Variants in KCNH5 observed in about 807,000 individuals in gnomAD.
KCNH5 encodes the protein potassium voltage-gated channel subfamily H member 5, also known as voltage-gated delayed rectifier potassium channel KCNH5.
A neutral mutation model predicts 96.1 loss-of-function variants in KCNH5; 46 were observed. The ratio of observed to expected loss-of-function variants is 0.48; its 90% CI spans 0.38 to 0.61. KCNH5 has a LOEUF of 0.61. KCNH5 is among the 20% of genes least tolerant of loss of function. The pLI is 0.00. For synonymous variants in KCNH5, 439 were observed against 449.8 expected (o/e 0.98, Z 0.30); for missense variants, 907 against 1,225.8 (o/e 0.74, Z 3.88).
intron 10 of KCNH5, among the ~76,000 whole-genome samples, chr14:62,750,855 C>T (rs1885483300): frequency 6.6e-6 from 1 of 152,148 alleles, no homozygotes; most frequent in African/African-American, 2.4e-5. Flanking sequence ...ATTCAATTAC[C>T]TCATGTTAAC....
intron 9 of KCNH5, among the ~76,000 whole-genome samples, chr14:62,783,253 T>A (rs775151353): frequency 6.6e-6 from 1 of 152,104 alleles, no homozygotes; most frequent in Non-Finnish European, 1.5e-5. Context: ...AAATGGTAGG[T>A]CCTCTCTGCG....
rs113988465 is a variant in KCNH5, at chr14:62,805,428, C to T, written c.1570-2847G>A. ...GATATCAAAAAGTGACAAGGTAAAA[C>T]TAAATGCTAAAAAGATCAACCAAAG... is the stretch of plus-strand genomic sequence containing the variant. On this transcript the variant is annotated intron_variant, in intron 8 of 10. Transcript: ENST00000322893. Among the ~76,000 whole-genome samples the T allele has an allele frequency of 3.7e-3, 570 of 152,236 alleles. 3 individuals are homozygous for T. The highest frequency in any genetic ancestry group is 0.013 in the African/African-American group (546 of 41,536).
At chr14:63,017,671 A>G (rs1233637473) in intron 1 of KCNH5, among the ~76,000 whole-genome samples, 1 of 151,624 alleles carries the variant, frequency 6.6e-6, no homozygotes, top group Non-Finnish European at 1.5e-5. Flanking sequence ...TTTGTAAACC[A>G]CATGTTATAT....
At chr14:62,955,784 T>C (rs1264314761) in intron 6 of KCNH5, among the ~76,000 whole-genome samples, 1 of 152,198 alleles carries the variant, frequency 6.6e-6, no homozygotes, top group Non-Finnish European at 1.5e-5. Context: ...CTTATATCTA[T>C]ATAGTCTGCA....
chr14:62,915,924 C>G (rs1401068355), intron 7 of KCNH5, among the ~76,000 whole-genome samples: 1 of 151,644 alleles, frequency 6.6e-6, no homozygotes, highest in African/African-American at 2.4e-5. Context: ...AGTGGCTTAG[C>G]CAGGGTTTCT....
chr14:62,761,380 G>A (rs906360773), intron 10 of KCNH5, among the ~76,000 whole-genome samples: 9 of 151,238 alleles, frequency 6.0e-5, no homozygotes, highest in Non-Finnish European at 1.2e-4. Context: ...AAAGGATTAT[G>A]GTCCATTGTA....
intron 9 of KCNH5, among the ~76,000 whole-genome samples, chr14:62,786,773 T>C (rs572545980): frequency 6.6e-6 from 1 of 152,204 alleles, no homozygotes; most frequent in Non-Finnish European, 1.5e-5. Flanking sequence ...ATTATTATTA[T>C]ATCTGTTATG....
chr14:62,817,285 C>CAA (rs1372517369), intron 8 of KCNH5, among the ~76,000 whole-genome samples: 2 of 129,108 alleles, frequency 1.5e-5, no homozygotes, highest in Admixed American at 8.6e-5. Context: ...CACACACACA[C>CAA]AACTCGGAGA....
chr14:62,914,037 AG>A (rs1236220977), intron 7 of KCNH5, among the ~76,000 whole-genome samples: 1 of 152,234 alleles, frequency 6.6e-6, no homozygotes, highest in African/African-American at 2.4e-5. Context: ...CAGAGTGAAA[AG>A]GGCTGAATTT....
At chr14:62,989,637 C>T (rs192465580) in intron 4 of KCNH5, among the ~76,000 whole-genome samples, 2 of 151,978 alleles carry the variant, frequency 1.3e-5, no homozygotes, top group African/African-American at 4.8e-5. Context: ...GGATGCATAC[C>T]TCACCTGGCA....
intron 10 of KCNH5, among the ~76,000 whole-genome samples, chr14:62,725,236 T>C (rs370079808): frequency 1.3e-5 from 2 of 152,154 alleles, no homozygotes; most frequent in African/African-American, 4.8e-5. Flanking sequence ...CCCAAAGCGA[T>C]TGAAATTTAA....
At chr14:62,956,389 G>A (rs754576227) in intron 6 of KCNH5, among the ~76,000 whole-genome samples, 15 of 152,070 alleles carry the variant, frequency 9.9e-5, no homozygotes, top group Non-Finnish European at 1.9e-4. Flanking sequence ...GGAGACCTTC[G>A]GGTTCTGGCA....
At chr14:62,942,386 T>A (rs1361330892) in intron 7 of KCNH5, among the ~76,000 whole-genome samples, 1 of 152,208 alleles carries the variant, frequency 6.6e-6, no homozygotes, top group Admixed American at 6.6e-5. Flanking sequence ...TTCTCCCAAT[T>A]TCTGGATCTT....
chr14:62,879,540 A>G (rs1029976730), intron 7 of KCNH5, among the ~76,000 whole-genome samples: 1 of 152,096 alleles, frequency 6.6e-6, no homozygotes, highest in Non-Finnish European at 1.5e-5. Flanking sequence ...TTCCAGTGTA[A>G]AGGTAAATCT....
intron 7 of KCNH5, among the ~76,000 whole-genome samples, chr14:62,893,137 G>T (rs1888744957): frequency 6.6e-6 from 1 of 152,164 alleles, no homozygotes; most frequent in Admixed American, 6.5e-5. Context: ...CACCATTCTA[G>T]AGGCCATTTG....
chr14:62,895,298 C>A (rs112787166), intron 7 of KCNH5, among the ~76,000 whole-genome samples: 6,743 of 151,914 alleles, frequency 0.044, 209 homozygotes, highest in African/African-American at 0.08. Flanking sequence ...AGATTAAGAA[C>A]TCTATTAGTC....
chr14:62,887,983 C>G (rs1310427415), intron 7 of KCNH5, among the ~76,000 whole-genome samples: 4 of 152,150 alleles, frequency 2.6e-5, no homozygotes, highest in South Asian at 2.1e-4. Context: ...TTTCAGCTGT[C>G]TCCCTTTATA....
intron 9 of KCNH5, among the ~76,000 whole-genome samples, chr14:62,788,226 G>T (rs114028668): frequency 0.012 from 1,845 of 152,260 alleles, 31 homozygotes; most frequent in African/African-American, 0.042. Flanking sequence ...CAACCCTCAT[G>T]GATGACTTTG....
intron 10 of KCNH5, among the ~76,000 whole-genome samples, chr14:62,737,349 A>T (rs1490343466): frequency 6.6e-6 from 1 of 152,208 alleles, no homozygotes; most frequent in African/African-American, 2.4e-5. Context: ...TATATCTTGC[A>T]CCTTAGAGGG....
Sources: gnomAD v4.1 joint callset for allele counts (sites outside exome capture counted in the v4.1 genomes callset) on GRCh38, gnomAD v4.1.1 for gene constraint, MANE v1.5 for transcripts, NCBI Gene and HGNC (gene_info 2026-07-23, HGNC 2026-07-21) for gene names.